KLHL6: variants seen among roughly 807,000 people sequenced by gnomAD.
The protein encoded by KLHL6 is kelch like family member 6.
In KLHL6, 41 loss-of-function variants were observed where a neutral mutation model predicts 58.6. That is an observed-to-expected ratio of 0.70 (90% CI 0.55 to 0.91). The LOEUF (loss-of-function observed/expected upper bound fraction) is 0.91, where lower values mean the gene tolerates loss of function less well. Ranked by LOEUF, KLHL6 falls within the 40% of genes least tolerant of loss-of-function variation. The probability of loss-of-function intolerance (pLI) is 0.00; values close to 1 mark genes in which losing one functional copy is unlikely to be tolerated. For synonymous variants in KLHL6, 338 were observed against 322.7 expected (o/e 1.05, Z -0.51); for missense variants, 714 against 805.6 (o/e 0.89, Z 1.38).
intron 2 of KLHL6, among the ~76,000 whole-genome samples, chr3:183,516,083 T>C (rs1338221249): frequency 6.6e-6 from 1 of 152,226 alleles, no homozygotes; most frequent in Non-Finnish European, 1.5e-5. Context: ...GGTGCCTTTG[T>C]AACTTGTTGC....
chr3:183,525,375 T>C (rs1453851806), intron 2 of KLHL6, among the ~76,000 whole-genome samples: 1 of 152,012 alleles, frequency 6.6e-6, no homozygotes, highest in Non-Finnish European at 1.5e-5. Flanking sequence ...CATAGCTCAA[T>C]GTCAGCCCCA....
At chr3:183,538,432 T>C (rs1254713811) in intron 1 of KLHL6, among the ~76,000 whole-genome samples, 1 of 152,152 alleles carries the variant, frequency 6.6e-6, no homozygotes, top group Non-Finnish European at 1.5e-5. Flanking sequence ...TTCTTCACCA[T>C]TCCCCGTTTA....
intron 2 of KLHL6, among the ~76,000 whole-genome samples, chr3:183,516,918 G>A (rs1711587652): frequency 6.6e-6 from 1 of 152,110 alleles, no homozygotes; most frequent in Non-Finnish European, 1.5e-5. Flanking sequence ...AATTTTTGTT[G>A]TTGTTTTTTG....
At chr3:183,543,673 T>TA (rs2108694770) in intron 1 of KLHL6, among the ~76,000 whole-genome samples, 1 of 152,332 alleles carries the variant, frequency 6.6e-6, no homozygotes, top group East Asian at 1.9e-4. Context: ...AGGCCCTTGA[T>TA]ACTCAGCCCT....
intron 1 of KLHL6, among the ~76,000 whole-genome samples, chr3:183,538,478 T>A (rs1712437672): frequency 6.6e-6 from 1 of 152,224 alleles, no homozygotes; most frequent in Non-Finnish European, 1.5e-5. Flanking sequence ...ACTGAGATAT[T>A]CTGTGTGGCG....
intron 2 of KLHL6, among the ~76,000 whole-genome samples, chr3:183,527,478 A>G (rs914112850): frequency 1.3e-5 from 2 of 152,210 alleles, no homozygotes; most frequent in Admixed American, 1.3e-4. Context: ...ACCAGGAGAC[A>G]TCAGTAACCC....
intron 1 of KLHL6, among the ~76,000 whole-genome samples, chr3:183,549,481 T>G (rs1275112040): frequency 2.6e-5 from 4 of 152,244 alleles, no homozygotes; most frequent in Non-Finnish European, 4.4e-5. Flanking sequence ...TTTTTGTAAC[T>G]TATTTCATGG....
At chr3:183,549,386 T>C (rs1416539663) in intron 1 of KLHL6, among the ~76,000 whole-genome samples, 1 of 152,204 alleles carries the variant, frequency 6.6e-6, no homozygotes, top group African/African-American at 2.4e-5. Flanking sequence ...TCAGAACCAA[T>C]ATGATAGTAA....
intron 1 of KLHL6, among the ~76,000 whole-genome samples, chr3:183,551,151 A>T (rs56061488): frequency 0.087 from 13,172 of 150,886 alleles, 806 homozygotes; most frequent in African/African-American, 0.17. Flanking sequence ...ATTACTTCCC[A>T]TGCACTCTTT....
chr3:183,529,554 G>A (rs940638473), intron 1 of KLHL6, among the ~76,000 whole-genome samples: 83 of 152,076 alleles, frequency 5.5e-4, no homozygotes, highest in African/African-American at 2.0e-3. Context: ...AAGTAGGTGG[G>A]GGACCGGGGG....
chr3:183,504,822 C>T (rs186936484), intron 3 of KLHL6, among the ~76,000 whole-genome samples: 56 of 152,178 alleles, frequency 3.7e-4, no homozygotes, highest in Non-Finnish European at 6.2e-4. Flanking sequence ...AAGCATAGTA[C>T]CTGATAGGTA....
intron 1 of KLHL6, among the ~76,000 whole-genome samples, chr3:183,533,717 G>A (rs1484322130): frequency 6.6e-6 from 1 of 152,080 alleles, no homozygotes; most frequent in African/African-American, 2.4e-5. Context: ...CACTTGACTT[G>A]CTGACTTTTT....
At chr3:183,523,126 C>T (rs1338041921) in intron 2 of KLHL6, 1 of 152,104 alleles carries the variant, frequency 6.6e-6, no homozygotes, top group African/African-American at 2.4e-5. Context: ...TTGAGAAGTC[C>T]TTACATCCAG....
At chr3:183,497,541 G>A (rs1054751819) in intron 4 of KLHL6, among the ~76,000 whole-genome samples, 1 of 152,244 alleles carries the variant, frequency 6.6e-6, no homozygotes, top group Non-Finnish European at 1.5e-5. Flanking sequence ...CAGAGGGGGT[G>A]AGGGGAGGGT....
intron 2 of KLHL6, among the ~76,000 whole-genome samples, chr3:183,514,379 C>T (rs961498545): frequency 6.6e-6 from 1 of 152,090 alleles, no homozygotes; most frequent in Non-Finnish European, 1.5e-5. Context: ...ATCTCCTCAC[C>T]TCCTCCAAGC....
At chr3:183,525,587 C>T (rs1415663847) in intron 2 of KLHL6, among the ~76,000 whole-genome samples, 1 of 152,146 alleles carries the variant, frequency 6.6e-6, no homozygotes, top group Admixed American at 6.5e-5. Context: ...GTAACTGGTC[C>T]ACAGCCACAT....
At chr3:183,529,319 T>C (rs557152010) in intron 1 of KLHL6, among the ~76,000 whole-genome samples, 51 of 151,876 alleles carry the variant, frequency 3.4e-4, no homozygotes, top group African/African-American at 1.2e-3. Flanking sequence ...AAGAGAGATA[T>C]AGAGATTTTT....
At chr3:183,519,246 T>G (rs556413888) in intron 2 of KLHL6, among the ~76,000 whole-genome samples, 2 of 152,264 alleles carry the variant, frequency 1.3e-5, no homozygotes, top group African/African-American at 4.8e-5. Flanking sequence ...GAAGAGGCTT[T>G]GCAAACAGGA....
At chr3:183,549,219 C>T (rs1436555728) in intron 1 of KLHL6, among the ~76,000 whole-genome samples, 5 of 152,160 alleles carry the variant, frequency 3.3e-5, no homozygotes, top group African/African-American at 1.2e-4. Flanking sequence ...TGAGTTAAGG[C>T]CATGTAGGTC....
Sources: gnomAD v4.1 joint callset for allele counts (sites outside exome capture counted in the v4.1 genomes callset) on GRCh38, gnomAD v4.1.1 for gene constraint, MANE v1.5 for transcripts, NCBI Gene and HGNC (gene_info 2026-07-23, HGNC 2026-07-21) for gene names.